Variants in CPNE4 observed in about 807,000 individuals in gnomAD.
The protein encoded by CPNE4 is copine-4.
CPNE4 carries 25 observed loss-of-function variants against 67.9 expected under a neutral mutation model. The observed-to-expected ratio is 0.37, with a 90% CI of 0.27 to 0.51. CPNE4 has a LOEUF of 0.51. CPNE4 is among the 20% of genes least tolerant of loss of function. The pLI is 0.93. For missense variants in CPNE4, 464 were observed against 690.8 expected, an observed-to-expected ratio of 0.67 and a Z score of 3.68; for synonymous variants, 242 against 244.9, an observed-to-expected ratio of 0.99 and a Z score of 0.11.
At chr3:131,998,539 T>G (rs13074364) in intron 1 of CPNE4, among the ~76,000 whole-genome samples, 36,723 of 152,046 alleles carry the variant, frequency 0.24, 5,508 homozygotes, top group South Asian at 0.39. Context: ...TTAACCCAGG[T>G]ATTGAACGTG....
intron 2 of CPNE4, among the ~76,000 whole-genome samples, chr3:131,844,925 A>C (rs2085940052): frequency 6.6e-6 from 1 of 152,212 alleles, no homozygotes; most frequent in South Asian, 2.1e-4. Flanking sequence ...ACTCTTCAAA[A>C]AGTGCAATTA....
intron 3 of CPNE4, among the ~76,000 whole-genome samples, chr3:131,704,760 CTCTT>C (rs2081378726): frequency 6.6e-6 from 1 of 152,152 alleles, no homozygotes. Flanking sequence ...AATGATTTAA[CTCTT>C]TCTTGTCTCC....
chr3:131,620,504 G>A (rs1415434808), intron 7 of CPNE4: 11 of 982,188 alleles, frequency 1.1e-5, no homozygotes, highest in Non-Finnish European at 1.1e-5. Flanking sequence ...GCTGATGGTA[G>A]GCAGAATAAT....
At chr3:131,764,887 T>C (rs933595348) in intron 2 of CPNE4, among the ~76,000 whole-genome samples, 1 of 152,190 alleles carries the variant, frequency 6.6e-6, no homozygotes, top group African/African-American at 2.4e-5. Context: ...TCTGAGATTG[T>C]TTAACAAAGA....
At chr3:131,729,939 C>T (rs757856366) in intron 2 of CPNE4, among the ~76,000 whole-genome samples, 13 of 152,106 alleles carry the variant, frequency 8.5e-5, no homozygotes, top group Non-Finnish European at 1.6e-4. Context: ...AGGTGGTGAC[C>T]GACAGTGATG....
intron 7 of CPNE4, among the ~76,000 whole-genome samples, chr3:131,621,476 C>T (rs1193805746): frequency 6.6e-6 from 1 of 151,980 alleles, no homozygotes; most frequent in African/African-American, 2.4e-5. Context: ...GAACTCCTGG[C>T]CTCAAGCAAT....
intron 1 of CPNE4, among the ~76,000 whole-genome samples, chr3:131,906,499 G>A (rs112937663): frequency 0.12 from 18,389 of 148,676 alleles, 1,313 homozygotes; most frequent in African/African-American, 0.19. Context: ...GAGAACACGC[G>A]GTGTTTGGTT....
intron 1 of CPNE4, among the ~76,000 whole-genome samples, chr3:131,996,238 C>T (rs2073289831): frequency 6.6e-6 from 1 of 152,008 alleles, no homozygotes; most frequent in Non-Finnish European, 1.5e-5. Context: ...TCCATGAGAG[C>T]AAAAGGTTGG....
chr3:131,594,949 G>A (rs962281528), intron 7 of CPNE4, among the ~76,000 whole-genome samples: 4 of 152,172 alleles, frequency 2.6e-5, no homozygotes, highest in Non-Finnish European at 4.4e-5. Flanking sequence ...AGGTGTATAC[G>A]AAGGTGCTTG....
intron 1 of CPNE4, among the ~76,000 whole-genome samples, chr3:132,023,052 C>G (rs75920207): frequency 6.6e-6 from 1 of 152,134 alleles, no homozygotes; most frequent in Non-Finnish European, 1.5e-5. Context: ...TGAACAACCA[C>G]GGACCATTAC....
chr3:131,717,567 AC>A (rs1330355366), intron 3 of CPNE4, among the ~76,000 whole-genome samples: 1 of 151,888 alleles, frequency 6.6e-6, no homozygotes, highest in Non-Finnish European at 1.5e-5. Flanking sequence ...TATATTCCTC[AC>A]CCCCATCCTG....
At chr3:131,697,412 G>A (rs541571295) in intron 4 of CPNE4, among the ~76,000 whole-genome samples, 8 of 152,116 alleles carry the variant, frequency 5.3e-5, no homozygotes, top group African/African-American at 9.7e-5. Flanking sequence ...ACATGGATAC[G>A]CTTATCAAAT....
chr3:131,768,989 C>T (rs1458244096), intron 2 of CPNE4, among the ~76,000 whole-genome samples: 4 of 152,202 alleles, frequency 2.6e-5, no homozygotes, highest in Admixed American at 6.6e-5. Context: ...TTATAATCCA[C>T]ATCTGGCACG....
intron 3 of CPNE4, among the ~76,000 whole-genome samples, chr3:131,706,865 TG>T (rs141982958): frequency 6.6e-6 from 1 of 152,316 alleles, no homozygotes; most frequent in East Asian, 1.9e-4. Context: ...AGAAAATTTT[TG>T]AATCTATCTA....
At chr3:132,036,402 A>G (rs1258722210), upstream of CPNE4, among the ~76,000 whole-genome samples, 2 of 93,860 alleles carry the variant, frequency 2.1e-5, no homozygotes, top group African/African-American at 8.4e-5. Context: ...ATGGAGCCCC[A>G]CCTGATCTAC....
chr3:131,629,949 C>T (rs1468277740), intron 7 of CPNE4, among the ~76,000 whole-genome samples: 1 of 131,438 alleles, frequency 7.6e-6, no homozygotes, highest in Non-Finnish European at 1.5e-5. Context: ...TCTCCCTCTC[C>T]CTTACTCTCA....
intron 7 of CPNE4, among the ~76,000 whole-genome samples, chr3:131,626,937 G>C (rs1010759129): frequency 6.6e-6 from 1 of 152,176 alleles, no homozygotes; most frequent in African/African-American, 2.4e-5. Flanking sequence ...GCTCACGCCT[G>C]TAATGCCAGC....
At chr3:131,552,383 G>C in intron 13 of CPNE4, 57 bp downstream of exon 13, 2 of 1,440,222 alleles carry the variant, frequency 1.4e-6, no homozygotes. Context: ...GAACTAAAAT[G>C]GGAAAGCTGC....
At chr3:131,589,440 C>A (rs114296583) in intron 7 of CPNE4, among the ~76,000 whole-genome samples, 2,709 of 152,336 alleles carry the variant, frequency 0.018, 35 homozygotes, top group Middle Eastern at 0.058. Context: ...CTTCCACCTG[C>A]TTTGTTCTAG....
Sources: allele counts gnomAD v4.1 joint callset (sites outside exome capture counted in the v4.1 genomes callset), GRCh38; gene constraint gnomAD v4.1.1; transcripts MANE v1.5; gene names NCBI Gene and HGNC (gene_info 2026-07-23, HGNC 2026-07-21).